Variants in DCUN1D5 observed in about 807,000 individuals in gnomAD.
DCUN1D5 encodes the protein defective in cullin neddylation 1 domain containing 5.
DCUN1D5 carries 10 observed loss-of-function variants against 38.3 expected under a neutral mutation model. The observed-to-expected ratio is 0.26, with a 90% CI of 0.16 to 0.44. The LOEUF (loss-of-function observed/expected upper bound fraction) is 0.44. Ranked by LOEUF, DCUN1D5 falls within the 20% of genes least tolerant of loss-of-function variation. DCUN1D5 has a pLI of 1.00. For synonymous variants in DCUN1D5, 93 were observed against 90.9 expected, an observed-to-expected ratio of 1.02 and a Z score of -0.13; for missense variants, 148 against 275.3, an observed-to-expected ratio of 0.54 and a Z score of 3.27.
chr11:103,069,856 C>T, intron 4 of DCUN1D5, among the ~76,000 whole-genome samples: 1 of 152,078 alleles, frequency 6.6e-6, no homozygotes, highest in Non-Finnish European at 1.5e-5. Flanking sequence ...AGTAAGCTAG[C>T]TAAAACTGAA....
rs1303014755 is a variant in DCUN1D5 at position 103,063,526 on chromosome 11, T to G, written c.658+749A>C. 1.3e-5 allele frequency among the ~76,000 whole-genome samples: 2 copies of G among 152,132 alleles called. No homozygotes were observed. Among genetic ancestry groups the G allele is most frequent in the African/African-American group, 4.8e-5 (2 of 41,438 alleles). On this transcript the variant is annotated intron_variant, in intron 7 of 7. Transcript: ENST00000260247. This position sits in a 1 kb window ranked among gnomAD's most constrained non-coding sequence, Gnocchi z 4.6. Reference sequence around the variant, plus strand: ...AGTTATCCCTTCTTCTGTTATTTTATTTTTTCAGTGTCACAGAAAAAAGTG... The same window carrying G: ...AGTTATCCCTTCTTCTGTTATTTTAGTTTTTCAGTGTCACAGAAAAAAGTG...
intron 4 of DCUN1D5, among the ~76,000 whole-genome samples, chr11:103,075,486 A>T (rs1025967163): frequency 7.2e-5 from 11 of 151,942 alleles, no homozygotes; most frequent in African/African-American, 2.7e-4. Context: ...GGTTCAAGTG[A>T]TTCTTCTGCC....
chr11:103,062,406 G>C lies in DCUN1D5; in HGVS notation c.667C>G (p.Leu223Val). Residue 223 changes from leucine to valine, a missense_variant, in exon 8 of 8, where the codon CTT becomes GTT. Coordinates refer to ENST00000260247, the MANE Select transcript of DCUN1D5 (RefSeq NM_032299.4). The surrounding 1 kb of genome is among the most constrained non-coding windows in gnomAD (Gnocchi z 4.6). ...NYDEDGAWPV[L>V]LDEFVEWQKV... ...TGCCACTCAACAAATTCATCAAGAAGAACAGGCCCTAGAAAAAAAGAAACC... is the reference window on the plus strand; with the variant it reads ...TGCCACTCAACAAATTCATCAAGAACAACAGGCCCTAGAAAAAAAGAAACC... 1 of 1,612,184 alleles carries C rather than the reference G, an allele frequency of 6.2e-7. No homozygotes were observed. Among genetic ancestry groups the C allele is most frequent in the Non-Finnish European group, 8.5e-7 (1 of 1,179,264 alleles).
Position 103,064,425 on chromosome 11 carries a change from C to T in DCUN1D5, c.556-48G>A. On this transcript the variant is annotated intron_variant, in intron 6 of 7. Transcript: ENST00000260247. The surrounding 1 kb of genome is among the most constrained non-coding windows in gnomAD (Gnocchi z 4.5). ...TGTATTTAAATATTTAAACAAACAT[C>T]ATTTACTCAATTTAGTAAACTAAGT... 2 of 1,396,678 alleles carry T rather than the reference C, an allele frequency of 1.4e-6. No individual in the cohort carries two copies. The highest frequency in any genetic ancestry group is 9.8e-7 in the Non-Finnish European group (1 of 1,025,402). The allele number at this position is 1,396,678 out of a possible 1,614,324, so 86.5% of individuals were successfully genotyped here.
intron 4 of DCUN1D5, among the ~76,000 whole-genome samples, chr11:103,070,861 AAG>A (rs1862254027): frequency 6.6e-6 from 1 of 152,172 alleles, no homozygotes; most frequent in Admixed American, 6.5e-5. Context: ...TGAAATAAAA[AAG>A]AATGTGTTCT....
rs754792671 is a variant in DCUN1D5, at chr11:103,061,065, CTGAT to C, written c.*1290_*1293del. Among the ~76,000 whole-genome samples, 1 of 152,072 alleles carries C rather than the reference CTGAT, an allele frequency of 6.6e-6. No homozygotes were observed. The highest frequency in any genetic ancestry group is 2.4e-5 in the African/African-American group (1 of 41,408). On this transcript the variant is annotated 3_prime_UTR_variant, in exon 8 of 8. Coordinates refer to ENST00000260247, the MANE Select transcript of DCUN1D5 (RefSeq NM_032299.4). ...ACAGTGGCAATCATTTTTTTCCCAG[CTGAT>C]TAACTAAAAAGCAAACAATAAAACA... is the stretch of plus-strand genomic sequence containing the variant.
rs528201205 is a variant in DCUN1D5, at chr11:103,066,178, A to T, written c.555+91T>A. On this transcript the variant is annotated intron_variant, in intron 6 of 7. Transcript: ENST00000260247. This position sits in a 1 kb window ranked among gnomAD's most constrained non-coding sequence, Gnocchi z 4.7. ...TTTTTCTCTAAAGTTTTTTTAAAGC[A>T]TACTATTAAAAATCTACTTGTTCCT... 9.2e-6 allele frequency: 7 copies of T among 757,550 alleles called. No individual in the cohort carries two copies. Among genetic ancestry groups the T allele is most frequent in the Non-Finnish European group, 1.4e-5 (7 of 500,976 alleles). The allele number at this position is 757,550 out of a possible 1,614,324, so 46.9% of individuals were successfully genotyped here.
rs180867830 is a variant in DCUN1D5 at position 103,054,418 on chromosome 11, T to C, written c.*7941A>G. On this transcript the variant is annotated 3_prime_UTR_variant, in exon 8 of 8. Transcript: ENST00000260247. ...ATTTTTCTCTCTCTCATTATTCACA[T>C]GTTCAAACACTGTAAACTGAATTGT... 7.7e-4 allele frequency: 117 copies of C among 152,296 alleles called. No homozygotes were observed. The highest frequency in any genetic ancestry group is 2.7e-3 in the African/African-American group (113 of 41,576). The allele number at this position is 152,296 out of a possible 1,614,324, so 9.4% of individuals were successfully genotyped here.
chr11:103,058,526 T>TCATAA lies in DCUN1D5; in HGVS notation c.*3832_*3833insTTATG, dbSNP rs1410428614. On this transcript the variant is annotated 3_prime_UTR_variant, in exon 8 of 8. Transcript: ENST00000260247. Reference sequence around the variant, plus strand: ...CAGAAATTCATCTTTCCACAGTCTGTAAGTTTATCATAAAAATTAGACTGC... The same window carrying TCATAA: ...CAGAAATTCATCTTTCCACAGTCTGTCATAAAAGTTTATCATAAAAATTAGACTGC... 2.0e-5 allele frequency among the ~76,000 whole-genome samples: 3 copies of TCATAA among 152,178 alleles called. No individual in the cohort carries two copies. Among genetic ancestry groups the TCATAA allele is most frequent in the Non-Finnish European group, 4.4e-5 (3 of 68,012 alleles).
Position 103,062,265 on chromosome 11 carries a change from G to T in DCUN1D5, c.*94C>A. ...ACTATGAGAAGTCTTTCATATGAAT[G>T]AAAATGCACCCGTTGGATTTTTTTC... On this transcript the variant is annotated 3_prime_UTR_variant, in exon 8 of 8. Coordinates refer to ENST00000260247, the MANE Select transcript of DCUN1D5 (RefSeq NM_032299.4). This position sits in a 1 kb window ranked among gnomAD's most constrained non-coding sequence, Gnocchi z 4.6. The T allele has an allele frequency of 8.0e-7, 1 of 1,243,302 alleles. No individual in the cohort carries two copies. Among genetic ancestry groups the T allele is most frequent in the Non-Finnish European group, 1.2e-6 (1 of 859,470 alleles). 77.0% of individuals were successfully genotyped at this position (1,243,302 alleles called of 1,614,324 possible). A position where few individuals can be genotyped will look rare whatever the true frequency, so the allele number is the denominator to read the frequency against.
rs1862453709 is a variant in DCUN1D5, at chr11:103,078,024, A to G, written c.341+4724T>C. Among the ~76,000 whole-genome samples the G allele has an allele frequency of 6.6e-6, 1 of 152,116 alleles. No homozygotes were observed. On this transcript the variant is annotated intron_variant, in intron 4 of 7. Coordinates refer to ENST00000260247, the MANE Select transcript of DCUN1D5 (RefSeq NM_032299.4). The surrounding 1 kb of genome is among the most constrained non-coding windows in gnomAD (Gnocchi z 4.6). ...TCCACCCCCACCAAAAAAAAAAATC[A>G]TATAAATGTTCCCTATTCCCCTCTC...
chr11:103,085,498 T>C (rs961092875), intron 2 of DCUN1D5, among the ~76,000 whole-genome samples: 3 of 152,096 alleles, frequency 2.0e-5, no homozygotes, highest in African/African-American at 7.2e-5. Flanking sequence ...GGAGGATTAC[T>C]TGGTGATTAC....
intron 4 of DCUN1D5, among the ~76,000 whole-genome samples, chr11:103,076,205 G>A (rs1862403655): frequency 6.6e-6 from 1 of 152,108 alleles, no homozygotes; most frequent in Admixed American, 6.5e-5. Flanking sequence ...CACAGGACCT[G>A]ACATATAGCA....
rs1479527865 is a variant in DCUN1D5, at chr11:103,062,730, C to T, written c.659-316G>A. 6.6e-6 allele frequency among the ~76,000 whole-genome samples: 1 copy of T among 152,000 alleles called. No individual in the cohort carries two copies. Among genetic ancestry groups the T allele is most frequent in the African/African-American group, 2.4e-5 (1 of 41,384 alleles). ...AGCATTCTGGCATTTAATTATGAAA[C>T]AATCTGAAAAGTGTTGAAGGTAATA... is the stretch of plus-strand genomic sequence containing the variant. On this transcript the variant is annotated intron_variant, in intron 7 of 7. Coordinates refer to ENST00000260247, the MANE Select transcript of DCUN1D5 (RefSeq NM_032299.4). This position sits in a 1 kb window ranked among gnomAD's most constrained non-coding sequence, Gnocchi z 4.6.
At chr11:103,090,702 G>C (rs1052153976) in intron 1 of DCUN1D5, among the ~76,000 whole-genome samples, 1 of 152,154 alleles carries the variant, frequency 6.6e-6, no homozygotes, top group Non-Finnish European at 1.5e-5. Flanking sequence ...CGCGAGGTCA[G>C]GAGTTCAAGA....
rs375034579 is a variant in DCUN1D5 at position 103,062,289 on chromosome 11, T to A, written c.*70A>T. ...TGAAAATGCACCCGTTGGATTTTTT[T>A]CCCCCTCATCACATTAGCTTGTATA... is the stretch of plus-strand genomic sequence containing the variant. On this transcript the variant is annotated 3_prime_UTR_variant, in exon 8 of 8. Coordinates refer to ENST00000260247, the MANE Select transcript of DCUN1D5 (RefSeq NM_032299.4). The surrounding 1 kb of genome is among the most constrained non-coding windows in gnomAD (Gnocchi z 4.6). 5.8e-5 allele frequency: 83 copies of A among 1,442,066 alleles called. No homozygotes were observed. The highest frequency in any genetic ancestry group is 1.1e-4 in the Admixed American group (6 of 55,274). The allele number at this position is 1,442,066 out of a possible 1,614,324, so 89.3% of individuals were successfully genotyped here.
chr11:103,070,838 G>A (rs1199038930), intron 4 of DCUN1D5, among the ~76,000 whole-genome samples: 1 of 151,968 alleles, frequency 6.6e-6, no homozygotes, highest in Non-Finnish European at 1.5e-5. Context: ...CCCCTTAACA[G>A]AGTAAAAATA....
rs1476129826 is a variant in DCUN1D5, at chr11:103,066,567, C to T, written c.342G>A (p.Gln114=). ...EEWLKGMTSL[Q]CDCTEKLQNK... The stretch of plus-strand genomic sequence containing the variant: ...TTTGTAACTTTTCTGTGCAGTCACA[C>T]CTTAAATAAAAGAAATATCAAACAA... The change falls in exon 5 of 8, where the codon CAG becomes CAA. Residue 114 remains glutamine (Q), a splice_region_variant and synonymous_variant. Transcript: ENST00000260247. The surrounding 1 kb of genome is among the most constrained non-coding windows in gnomAD (Gnocchi z 4.7). The T allele has an allele frequency of 6.4e-7, 1 of 1,574,726 alleles. No homozygotes were observed. Among genetic ancestry groups the T allele is most frequent in the Non-Finnish European group, 8.7e-7 (1 of 1,149,004 alleles).
Position 103,062,092 on chromosome 11 carries a change from T to A in DCUN1D5, c.*267A>T, listed in dbSNP as rs1862026322. On this transcript the variant is annotated 3_prime_UTR_variant, in exon 8 of 8. Transcript: ENST00000260247. This position sits in a 1 kb window ranked among gnomAD's most constrained non-coding sequence, Gnocchi z 4.6. ...GGACATCTTCACTTTAAGGCCTTTG[T>A]CACAAATCTGAATCTTTATTGTTCT... is the stretch of plus-strand genomic sequence containing the variant. The A allele has an allele frequency of 2.7e-6, 1 of 371,966 alleles. No individual in the cohort carries two copies. The highest frequency in any genetic ancestry group is 4.8e-6 in the Non-Finnish European group (1 of 208,806). 23.0% of individuals were successfully genotyped at this position (371,966 alleles called of 1,614,324 possible). A position where few individuals can be genotyped will look rare whatever the true frequency, so the allele number is the denominator to read the frequency against.
Sources: gnomAD v4.1 joint callset for allele counts (sites outside exome capture counted in the v4.1 genomes callset) on GRCh38, gnomAD v4.1.1 for gene constraint, Gnocchi (gnomAD v3.1) non-coding constraint, MANE v1.5 for transcripts, NCBI Gene and HGNC (gene_info 2026-07-23, HGNC 2026-07-21) for gene names.